CHRM3: variants seen among roughly 807,000 people sequenced by gnomAD.
CHRM3 encodes muscarinic acetylcholine receptor M3.
Under a neutral mutation model 41.8 loss-of-function variants are expected in CHRM3, and 11 were observed. The ratio of observed to expected loss-of-function variants is 0.26; its 90% CI spans 0.17 to 0.44. The LOEUF (loss-of-function observed/expected upper bound fraction) is 0.44, where lower values mean the gene tolerates loss of function less well. Among genes scored for constraint, CHRM3 ranks in the 20% least tolerant of loss-of-function variants. CHRM3 has a pLI of 1.00. For missense variants in CHRM3, 571 were observed against 745.4 expected (o/e 0.77, Z 2.72); for synonymous variants, 297 against 301.4 (o/e 0.99, Z 0.15).
chr1:239,826,611 G>A (rs1365298909), intron 5 of CHRM3, among the ~76,000 whole-genome samples: 1 of 152,142 alleles, frequency 6.6e-6, no homozygotes, highest in Non-Finnish European at 1.5e-5. Context: ...ATCGGGAAAA[G>A]TAACCAATAG....
At chr1:239,623,737 G>T (rs1404438987) in intron 3 of CHRM3, among the ~76,000 whole-genome samples, 1 of 44,646 alleles carries the variant, frequency 2.2e-5, no homozygotes, top group Admixed American at 2.5e-4. Flanking sequence ...CTATGAGTGA[G>T]AATATGCGGT....
At chr1:239,651,924 C>T (rs774575776) in intron 4 of CHRM3, among the ~76,000 whole-genome samples, 1 of 151,942 alleles carries the variant, frequency 6.6e-6, no homozygotes, top group Non-Finnish European at 1.5e-5. Context: ...CACTGATACT[C>T]CTTTCCCTGG....
chr1:239,411,685 A>G (rs1034393099), intron 1 of CHRM3, among the ~76,000 whole-genome samples: 1 of 121,284 alleles, frequency 8.2e-6, no homozygotes, highest in South Asian at 2.9e-4. Flanking sequence ...AGATCGCCCC[A>G]TTGCAGTCCA....
At chr1:239,418,118 G>A (rs1456952457) in intron 1 of CHRM3, among the ~76,000 whole-genome samples, 5 of 152,120 alleles carry the variant, frequency 3.3e-5, no homozygotes, top group Non-Finnish European at 5.9e-5. Flanking sequence ...GCAGGGCAGC[G>A]GGCCAGGCAG....
chr1:239,459,408 C>T (rs60797302), intron 1 of CHRM3, among the ~76,000 whole-genome samples: 3,252 of 152,140 alleles, frequency 0.021, 103 homozygotes, highest in African/African-American at 0.074. Context: ...TCCTTCTACC[C>T]TGTCTAAAGG....
At chr1:239,582,113 A>G (rs970971716) in intron 3 of CHRM3, among the ~76,000 whole-genome samples, 5 of 152,174 alleles carry the variant, frequency 3.3e-5, no homozygotes, top group South Asian at 4.1e-4. Flanking sequence ...ATTATGTGCT[A>G]TGTAAAACTA....
At chr1:239,456,598 G>A (rs111342083) in intron 1 of CHRM3, among the ~76,000 whole-genome samples, 48 of 152,300 alleles carry the variant, frequency 3.2e-4, no homozygotes, top group East Asian at 9.7e-4. Context: ...TAAGTGATGC[G>A]TGACCGTATG....
intron 5 of CHRM3, among the ~76,000 whole-genome samples, chr1:239,764,973 G>A (rs1572219933): frequency 6.6e-6 from 1 of 152,212 alleles, no homozygotes; most frequent in South Asian, 2.1e-4. Context: ...GAAAGGCTTT[G>A]CCTTTTTCCA....
intron 4 of CHRM3, among the ~76,000 whole-genome samples, chr1:239,643,113 C>T (rs557948460): frequency 5.3e-4 from 81 of 152,272 alleles, no homozygotes; most frequent in African/African-American, 1.7e-3. Context: ...GCTGTCTGAT[C>T]GTTCCTCTGG....
At chr1:239,852,043 TATC>T (rs1674739628) in intron 6 of CHRM3, among the ~76,000 whole-genome samples, 1 of 152,074 alleles carries the variant, frequency 6.6e-6, no homozygotes, top group African/African-American at 2.4e-5. Context: ...TCTTCTTCAT[TATC>T]ATCCTTACTG....
At chr1:239,536,936 C>A (rs1437132091) in intron 2 of CHRM3, among the ~76,000 whole-genome samples, 2 of 152,142 alleles carry the variant, frequency 1.3e-5, no homozygotes, top group African/African-American at 4.8e-5. Context: ...AGAATGGATT[C>A]TATTAGGTTT....
At chr1:239,562,441 C>A (rs1660946565) in intron 3 of CHRM3, among the ~76,000 whole-genome samples, 1 of 152,028 alleles carries the variant, frequency 6.6e-6, no homozygotes, top group Non-Finnish European at 1.5e-5. Flanking sequence ...TGCCAAAGCC[C>A]AAACTGTTAA....
In CHRM3 at chr1:239,618,273, C is replaced by CTTTTTT. The variant is rs11413091; in HGVS notation, c.-312-13948_-312-13947insTTTTTT. Among the ~76,000 whole-genome samples, 7 of 113,050 alleles carry CTTTTTT rather than the reference C, an allele frequency of 6.2e-5. 1 individual carries two copies. Among genetic ancestry groups the CTTTTTT allele is most frequent in the Non-Finnish European group, 5.1e-5 (3 of 58,300 alleles). 74.2% of individuals were successfully genotyped at this position (113,050 alleles called of 152,430 possible). A position where few individuals can be genotyped will look rare whatever the true frequency, so the allele number is the denominator to read the frequency against. On this transcript the variant is annotated intron_variant, in intron 3 of 6. Transcript: ENST00000676153. Reference sequence around the variant, plus strand: ...TAGAGAGTAGGAGTACTTTTTTTTTCTTTCTTTTTTTTTTTTTTTTTTAAT... The same window carrying CTTTTTT: ...TAGAGAGTAGGAGTACTTTTTTTTTCTTTTTTTTTCTTTTTTTTTTTTTTTTTTAAT...
At chr1:239,396,819 A>C (rs2102949856) in intron 1 of CHRM3, among the ~76,000 whole-genome samples, 1 of 152,320 alleles carries the variant, frequency 6.6e-6, no homozygotes. Context: ...CATTTACTCT[A>C]TACAAAACTG....
At chr1:239,764,186 C>T (rs1223397651) in intron 5 of CHRM3, among the ~76,000 whole-genome samples, 1 of 151,800 alleles carries the variant, frequency 6.6e-6, no homozygotes, top group Admixed American at 6.6e-5. Context: ...AGTAATTTGT[C>T]CTACTGTGCC....
chr1:239,391,556 C>A (rs1659036927), intron 1 of CHRM3, among the ~76,000 whole-genome samples: 1 of 152,134 alleles, frequency 6.6e-6, no homozygotes, highest in Non-Finnish European at 1.5e-5. Flanking sequence ...GAACTTCCCG[C>A]TCATCCCCTC....
At chr1:239,447,642 G>A (rs1258206598) in intron 1 of CHRM3, among the ~76,000 whole-genome samples, 1 of 152,264 alleles carries the variant, frequency 6.6e-6, no homozygotes, top group Non-Finnish European at 1.5e-5. Context: ...CGGGCGTGGT[G>A]GCACATGCCT....
At chr1:239,714,755 G>A (rs549683803) in intron 5 of CHRM3, among the ~76,000 whole-genome samples, 15 of 152,270 alleles carry the variant, frequency 9.9e-5, no homozygotes, top group Admixed American at 2.6e-4. Context: ...TGAGGGGCAG[G>A]AGAACCAGAG....
chr1:239,788,776 TAAAC>T (rs1669110806), intron 5 of CHRM3, among the ~76,000 whole-genome samples: 2 of 151,876 alleles, frequency 1.3e-5, no homozygotes, highest in South Asian at 2.1e-4. Flanking sequence ...AAAAACAAAA[TAAAC>T]AAACAAAACA....
Sources: allele counts gnomAD v4.1 joint callset (sites outside exome capture counted in the v4.1 genomes callset), GRCh38; gene constraint gnomAD v4.1.1; transcripts MANE v1.5; gene names NCBI Gene and HGNC (gene_info 2026-07-23, HGNC 2026-07-21).